Variants in KIF26B observed in about 807,000 individuals in gnomAD.
The protein encoded by KIF26B is kinesin-like protein KIF26B.
A neutral mutation model predicts 151.2 loss-of-function variants in KIF26B; 63 were observed. That is an observed-to-expected ratio of 0.42 (90% CI 0.34 to 0.51). KIF26B has a LOEUF of 0.51. Ranked by LOEUF, KIF26B falls within the 20% of genes least tolerant of loss-of-function variation. The pLI, the probability that KIF26B is intolerant of heterozygous loss-of-function variation, is 0.07. For missense variants in KIF26B, 2,813 were observed against 2,913.6 expected (o/e 0.97, Z 0.79); for synonymous variants, 1,357 against 1,262.1 (o/e 1.08, Z -1.59).
At chr1:245,475,988 C>T (rs1660030222) in intron 4 of KIF26B, among the ~76,000 whole-genome samples, 1 of 151,746 alleles carries the variant, frequency 6.6e-6, no homozygotes, top group South Asian at 2.1e-4. Context: ...TCAAAATAGC[C>T]AAAATGGAGG....
intron 5 of KIF26B, among the ~76,000 whole-genome samples, chr1:245,567,067 A>G (rs1309678404): frequency 1.3e-5 from 2 of 152,210 alleles, no homozygotes; most frequent in Non-Finnish European, 2.9e-5. Context: ...AGAGCCCTGC[A>G]CCCCAGCCGC....
chr1:245,175,464 G>A (rs1037315621), intron 2 of KIF26B, among the ~76,000 whole-genome samples: 5 of 152,126 alleles, frequency 3.3e-5, no homozygotes, highest in Admixed American at 6.6e-5. Context: ...AATCAGAACA[G>A]GGAACTTGGA....
At chr1:245,466,006 G>A (rs2103060834) in intron 4 of KIF26B, among the ~76,000 whole-genome samples, 1 of 152,354 alleles carries the variant, frequency 6.6e-6, no homozygotes, top group Non-Finnish European at 1.5e-5. Flanking sequence ...GGACCTGGAC[G>A]GGCAAGTGTT....
At position 245,194,472 on chromosome 1, in the gene KIF26B, G is replaced by A. The variant is rs142388200; in HGVS notation, c.465+37789G>A. On this transcript the variant is annotated intron_variant, in intron 2 of 14. Coordinates refer to ENST00000407071, the MANE Select transcript of KIF26B (RefSeq NM_018012.4). The stretch of plus-strand genomic sequence containing the variant: ...AACTCGGCTCACTGCAACCCCTTGG[G>A]TTCAAGCGATTGTCCTGCCTCAGGC... Among the ~76,000 whole-genome samples the A allele has an allele frequency of 7.8e-3, 1,193 of 152,278 alleles. 11 individuals are homozygous for A. Among genetic ancestry groups the A allele is most frequent in the Non-Finnish European group, 0.014 (953 of 68,018 alleles).
chr1:245,605,312 C>A (rs1486825297), intron 6 of KIF26B, among the ~76,000 whole-genome samples: 1 of 152,206 alleles, frequency 6.6e-6, no homozygotes, highest in Non-Finnish European at 1.5e-5. Flanking sequence ...AACTCAGCCC[C>A]ACAGGGTGGG....
intron 2 of KIF26B, among the ~76,000 whole-genome samples, chr1:245,359,647 C>T (rs961474203): frequency 3.3e-5 from 5 of 151,578 alleles, no homozygotes; most frequent in Non-Finnish European, 4.4e-5. Flanking sequence ...TCCTTCCTTC[C>T]TTCATTCCTT....
chr1:245,684,369 T>C lies in KIF26B; in HGVS notation c.2395T>C (p.Leu799=), dbSNP rs776782775. Residue 799 remains leucine, a synonymous_variant, in exon 11 of 15, where the codon TTG becomes CTG. Transcript: ENST00000407071. ...CACCATCCAGATTGCATCGAGAGTC[T>C]TGAGGATGAAGAAAAAGAAGACGAA... ...LSTIQIASRV[L]RMKKKKTKYT... 11 of 1,612,506 alleles carry C rather than the reference T, an allele frequency of 6.8e-6. No individual in the cohort carries two copies. Among genetic ancestry groups the C allele is most frequent in the Admixed American group, 3.3e-5 (2 of 59,912 alleles).
intron 5 of KIF26B, among the ~76,000 whole-genome samples, chr1:245,547,067 A>T (rs1021970501): frequency 1.3e-4 from 20 of 152,354 alleles, no homozygotes; most frequent in Admixed American, 3.9e-4. Context: ...GTATGCTGCT[A>T]GCGCCGCCCC....
chr1:245,556,739 G>A (rs1020781911), intron 5 of KIF26B, among the ~76,000 whole-genome samples: 2 of 152,090 alleles, frequency 1.3e-5, no homozygotes, highest in African/African-American at 4.8e-5. Flanking sequence ...GGAGGTCTCT[G>A]TATCATCAAG....
chr1:245,342,089 G>A lies in KIF26B; in HGVS notation c.466-24745G>A, dbSNP rs78801405. On this transcript the variant is annotated intron_variant, in intron 2 of 14. Coordinates refer to ENST00000407071, the MANE Select transcript of KIF26B (RefSeq NM_018012.4). ...GGGAAACCATACCAGGTGACTAACT[G>A]GAAAACATCCCCAAACCTTGTTAGT... Among the ~76,000 whole-genome samples, 192 of 152,312 alleles carry A rather than the reference G, an allele frequency of 1.3e-3. 2 individuals carry two copies. The highest frequency in any genetic ancestry group is 4.4e-3 in the African/African-American group (183 of 41,566).
chr1:245,325,916 C>T (rs895857406), intron 2 of KIF26B, among the ~76,000 whole-genome samples: 1 of 152,012 alleles, frequency 6.6e-6, no homozygotes, highest in African/African-American at 2.4e-5. Flanking sequence ...CCCACTACTG[C>T]GTGTGAGGCT....
rs183494414 is a variant in KIF26B, at chr1:245,688,194, A to G, written c.5211A>G (p.Arg1737=). The G allele has an allele frequency of 4.3e-4, 689 of 1,596,156 alleles. 3 individuals carry two copies. In the African/African-American group the frequency reaches 8.0e-3, roughly 19 times the overall value. Reference sequence around the variant, plus strand: ...AGTCCAAGATCTCCGCCGTGAGCAGACTCCTCCTGGCCAGCCCCAGAGCGC... The same window carrying G: ...AGTCCAAGATCTCCGCCGTGAGCAGGCTCCTCCTGGCCAGCCCCAGAGCGC... The part of the protein sequence containing the change: ...AGQSKISAVS[R]LLLASPRARG... The change falls in exon 12 of 15, where the codon AGA becomes AGG. Residue 1737 remains arginine (R), a synonymous_variant. Coordinates refer to ENST00000407071, the MANE Select transcript of KIF26B (RefSeq NM_018012.4).
At chr1:245,349,559 CAA>C (rs58254627) in intron 2 of KIF26B, among the ~76,000 whole-genome samples, 2,399 of 75,810 alleles carry the variant, frequency 0.032, 26 homozygotes, top group South Asian at 0.096. Context: ...AAATAAACTT[CAA>C]AAAAAAAAAA....
chr1:245,216,105 A>G (rs989159103), intron 2 of KIF26B: 9 of 151,970 alleles, frequency 5.9e-5, no homozygotes, highest in Non-Finnish European at 1.2e-4. Flanking sequence ...AGTAATAGGA[A>G]TCAGACCCCA....
intron 12 of KIF26B, among the ~76,000 whole-genome samples, chr1:245,693,028 G>A (rs1181723830): frequency 6.6e-6 from 1 of 152,030 alleles, no homozygotes; most frequent in Admixed American, 6.6e-5. Context: ...CAGTCCTCGC[G>A]CTCCCCCGTC....
intron 10 of KIF26B, among the ~76,000 whole-genome samples, chr1:245,651,694 G>C (rs12048246): frequency 0.085 from 12,968 of 152,260 alleles, 747 homozygotes; most frequent in African/African-American, 0.16. Context: ...GCTGTTGGCT[G>C]TCTGATCAGT....
intron 2 of KIF26B, among the ~76,000 whole-genome samples, chr1:245,203,255 A>AAAAAAAAGAAAG (rs61541280): frequency 6.9e-5 from 9 of 129,746 alleles, no homozygotes; most frequent in African/African-American, 2.7e-4. Flanking sequence ...TCAAAAAAAA[A>AAAAAAAAGAAAG]AAAAGAAAAT....
chr1:245,522,409 C>T (rs545539545), intron 4 of KIF26B, among the ~76,000 whole-genome samples: 2 of 152,340 alleles, frequency 1.3e-5, no homozygotes, highest in Non-Finnish European at 2.9e-5. Flanking sequence ...CCTCAGAACA[C>T]TGCCTACAGC....
At chr1:245,533,697 T>C (rs137914799) in intron 4 of KIF26B, among the ~76,000 whole-genome samples, 1,648 of 152,240 alleles carry the variant, frequency 0.011, 15 homozygotes, top group Non-Finnish European at 0.016. Context: ...TTAATTCTCA[T>C]GAGATGCACT....
Sources: gnomAD v4.1 joint callset for allele counts (sites outside exome capture counted in the v4.1 genomes callset) on GRCh38, gnomAD v4.1.1 for gene constraint, MANE v1.5 for transcripts, NCBI Gene and HGNC (gene_info 2026-07-23, HGNC 2026-07-21) for gene names.